ZNF653: variants seen among roughly 807,000 people sequenced by gnomAD.
ZNF653 encodes zinc finger protein 653.
Under a neutral mutation model 59.9 loss-of-function variants are expected in ZNF653, and 37 were observed. The observed-to-expected ratio is 0.62, with a 90% CI of 0.48 to 0.81. The LOEUF is 0.81. ZNF653 is among the 40% of genes least tolerant of loss of function. The pLI, the probability that ZNF653 is intolerant of heterozygous loss-of-function variation, is 0.00. For missense variants in ZNF653, 808 were observed against 881.1 expected, an observed-to-expected ratio of 0.92 and a Z score of 1.05; for synonymous variants, 435 against 371.8, an observed-to-expected ratio of 1.17 and a Z score of -1.96.
intron 3 of ZNF653, among the ~76,000 whole-genome samples, chr19:11,493,367 G>C (rs1971549258): frequency 1.3e-5 from 2 of 152,010 alleles, no homozygotes; most frequent in Non-Finnish European, 2.9e-5. Flanking sequence ...CTTTGTTTTG[G>C]GTCTTTAATG....
intron 2 of ZNF653, among the ~76,000 whole-genome samples, chr19:11,496,526 A>G (rs1971590507): frequency 6.6e-6 from 1 of 151,986 alleles, no homozygotes; most frequent in African/African-American, 2.4e-5. Flanking sequence ...CTACAGCCGC[A>G]AGGGGGCGCC....
At position 11,487,068 on chromosome 19, in the gene ZNF653, G is replaced by C. The variant is rs969117038; in HGVS notation, c.1262C>G (p.Pro421Arg). The C allele has an allele frequency of 1.7e-5, 28 of 1,613,990 alleles. No homozygotes were observed. Among genetic ancestry groups the C allele is most frequent in the Admixed American group, 3.3e-5 (2 of 60,014 alleles). The change falls in exon 5 of 9, where the codon CCT becomes CGT. Residue 421 changes from proline (P) to arginine (R), a missense_variant. Pro to Arg is a moderately radical substitution (Grantham distance 103, BLOSUM62 -2). Transcript: ENST00000293771. The surrounding 1 kb of genome is among the most constrained non-coding windows in gnomAD (Gnocchi z 5.1). ...CTCCTCCCCGTCCGCCTCTGCCTCA[G>C]GCTCTGCGCTCTCAGGCACCGTTGT... is the stretch of plus-strand genomic sequence containing the variant. ...LATTVPESAE[P>R]EAEADGEELD...
chr19:11,505,393 C>G, intron 1 of ZNF653, 95 bp downstream of exon 1: 2 of 1,275,182 alleles, frequency 1.6e-6, no homozygotes, highest in Non-Finnish European at 2.0e-6. Flanking sequence ...CCGCAGGTGC[C>G]GGGGGCTGGC....
intron 1 of ZNF653, among the ~76,000 whole-genome samples, chr19:11,499,293 CCT>C (rs1352076830): frequency 2.6e-5 from 4 of 152,202 alleles, no homozygotes; most frequent in African/African-American, 9.7e-5. Context: ...GGACACATGC[CCT>C]GTGTGATCCT....
At position 11,487,872 on chromosome 19, in the gene ZNF653, G is replaced by A. The variant is rs968411961; in HGVS notation, c.591C>T (p.Asp197=). 6.3e-7 allele frequency: 1 copy of A among 1,599,778 alleles called. No homozygotes were observed. Among genetic ancestry groups the A allele is most frequent in the Non-Finnish European group, 8.5e-7 (1 of 1,171,022 alleles). ...VGNGLVAGSS[D]SSSSGSASDS... ...CAGAGGCAGAGCCAGAGCTGGATGA[G>A]TCAGAGCTGCCAGCCACCAGCCCAT... Residue 197 remains aspartate (D), a synonymous_variant, in exon 4 of 9, where the codon GAC becomes GAT. Transcript: ENST00000293771. The surrounding 1 kb of genome is among the most constrained non-coding windows in gnomAD (Gnocchi z 5.1).
chr19:11,488,454 T>C (rs1971495128), intron 3 of ZNF653, among the ~76,000 whole-genome samples: 1 of 151,244 alleles, frequency 6.6e-6, no homozygotes, highest in South Asian at 2.1e-4. Flanking sequence ...CCCGGCTAAT[T>C]TTTGTATTTT....
chr19:11,495,829 A>C lies in ZNF653; in HGVS notation c.559+121T>G, dbSNP rs1971580834. On this transcript the variant is annotated intron_variant, in intron 3 of 8. Transcript: ENST00000293771. The surrounding 1 kb of genome is among the most constrained non-coding windows in gnomAD (Gnocchi z 4.9). ...GCCCATCGTGTCCCTGCTCTGCCCC[A>C]GTGCCAGAGCCAGAGCCAGAGCCAC... 9.5e-7 allele frequency: 1 copy of C among 1,050,342 alleles called. No individual in the cohort carries two copies. Among genetic ancestry groups the C allele is most frequent in the Non-Finnish European group, 1.4e-6 (1 of 725,078 alleles). 65.1% of individuals were successfully genotyped at this position (1,050,342 alleles called of 1,614,324 possible). A position where few individuals can be genotyped will look rare whatever the true frequency, so the allele number is the denominator to read the frequency against.
At chr19:11,489,034 G>A (rs1971502873) in intron 3 of ZNF653, among the ~76,000 whole-genome samples, 1 of 151,658 alleles carries the variant, frequency 6.6e-6, no homozygotes, top group African/African-American at 2.4e-5. Flanking sequence ...TGAGTAGCTG[G>A]GATTACAGGC....
chr19:11,483,992 G>C (rs772618979), intron 8 of ZNF653, 50 bp downstream of exon 8: 59 of 1,539,894 alleles, frequency 3.8e-5, no homozygotes, highest in Admixed American at 5.9e-5. Flanking sequence ...GACCTGCTGG[G>C]ATCCCCTCCC....
At chr19:11,488,705 C>G (rs1263015452) in intron 3 of ZNF653, among the ~76,000 whole-genome samples, 6 of 151,568 alleles carry the variant, frequency 4.0e-5, no homozygotes, top group Non-Finnish European at 8.8e-5. Flanking sequence ...TCACACCATT[C>G]TCCTGCCTCA....
chr19:11,498,976 C>T (rs766735090), intron 1 of ZNF653, among the ~76,000 whole-genome samples: 1 of 152,194 alleles, frequency 6.6e-6, no homozygotes, highest in Non-Finnish European at 1.5e-5. Flanking sequence ...CCGCCCACCT[C>T]GGCCTCCCAA....
At position 11,505,537 on chromosome 19, in the gene ZNF653, C is replaced by A. The variant is rs1249691573; in HGVS notation, c.250G>T (p.Ala84Ser). 2 of 1,514,190 alleles carry A rather than the reference C, an allele frequency of 1.3e-6. No homozygotes were observed. 93.8% of individuals were successfully genotyped at this position (1,514,190 alleles called of 1,614,324 possible). Residue 84 changes from alanine (A) to serine (S), a missense_variant, in exon 1 of 9, where the codon GCC becomes TCC. Coordinates refer to ENST00000293771, the MANE Select transcript of ZNF653 (RefSeq NM_138783.4). ...RRSGWSDAKL[A>S]AYLISLERGQ... The stretch of plus-strand genomic sequence containing the variant: ...CGCTCCAGAGAGATGAGGTAGGCGG[C>A]GAGCTTGGCGTCGCTCCAGCCGCTG...
rs1440830705 is a variant in ZNF653 at position 11,483,452 on chromosome 19, C to A, written c.*230G>T. ...TCTCCTTTCTCGCTCTTTAATCTCA[C>A]TCTGCTCTCTTGACACAGTTCCAGC... On this transcript the variant is annotated 3_prime_UTR_variant, in exon 9 of 9. Coordinates refer to ENST00000293771, the MANE Select transcript of ZNF653 (RefSeq NM_138783.4). 34 of 1,355,742 alleles carry A rather than the reference C, an allele frequency of 2.5e-5. No homozygotes were observed. Among genetic ancestry groups the A allele is most frequent in the Non-Finnish European group, 3.1e-5 (33 of 1,055,408 alleles). The allele number at this position is 1,355,742 out of a possible 1,614,324, so 84.0% of individuals were successfully genotyped here.
At chr19:11,498,201 G>T in intron 2 of ZNF653, 95 bp downstream of exon 2, 1 of 1,564,906 alleles carries the variant, frequency 6.4e-7, no homozygotes, top group Non-Finnish European at 8.8e-7. Context: ...CAACTGTGCT[G>T]CCTAGGGCAG....
In ZNF653 at chr19:11,483,907, C is replaced by T. The variant is rs776826831; in HGVS notation, c.1671-48G>A. 23 of 363,848 alleles carry T rather than the reference C, an allele frequency of 6.3e-5. 1 individual carries two copies. The highest frequency in any genetic ancestry group is 9.7e-5 in the South Asian group (5 of 51,720). 22.5% of individuals were successfully genotyped at this position (363,848 alleles called of 1,614,324 possible). A position where few individuals can be genotyped will look rare whatever the true frequency, so the allele number is the denominator to read the frequency against. On this transcript the variant is annotated intron_variant, in intron 8 of 8. Transcript: ENST00000293771. The stretch of plus-strand genomic sequence containing the variant: ...CGGGGCGGGGTCAGAGTGGGCGGGG[C>T]GGGGCGGGGCCCTACAAGGCCGAGC...
intron 6 of ZNF653, among the ~76,000 whole-genome samples, chr19:11,486,099 C>T (rs1347834306): frequency 6.6e-5 from 10 of 152,044 alleles, no homozygotes; most frequent in Non-Finnish European, 1.2e-4. Context: ...TACAGGCGCC[C>T]GCCACCACGC....
At chr19:11,484,347 G>A (rs565211137) in intron 7 of ZNF653, among the ~76,000 whole-genome samples, 3 of 152,150 alleles carry the variant, frequency 2.0e-5, no homozygotes, top group East Asian at 3.9e-4. Context: ...GGGTCCCTGA[G>A]AGGCATAGGG....
chr19:11,484,056 G>C lies in ZNF653; in HGVS notation c.1656C>G (p.Gly552=), dbSNP rs781231060. The C allele has an allele frequency of 1.3e-6, 2 of 1,557,074 alleles. No individual in the cohort carries two copies. Among genetic ancestry groups the C allele is most frequent in the South Asian group, 1.2e-5 (1 of 84,620 alleles). Residue 552 remains glycine, a synonymous_variant, in exon 8 of 9, where the codon GGC becomes GGG. Coordinates refer to ENST00000293771, the MANE Select transcript of ZNF653 (RefSeq NM_138783.4). ...HLEVHRRTHT[G]ETPLQCEICG... The stretch of plus-strand genomic sequence containing the variant: ...CTGTCACTCACTGCAGGGGGGTCTC[G>C]CCGGTGTGGGTGCGCCGATGTACCT...
intron 1 of ZNF653, among the ~76,000 whole-genome samples, chr19:11,502,799 C>T (rs1169997515): frequency 6.6e-6 from 1 of 152,026 alleles, no homozygotes; most frequent in African/African-American, 2.4e-5. Context: ...TTTGGGAGGC[C>T]GAGGCAGGCA....
Sources: allele counts gnomAD v4.1 joint callset (sites outside exome capture counted in the v4.1 genomes callset), GRCh38; gene constraint gnomAD v4.1.1; non-coding constraint Gnocchi (gnomAD v3.1); transcripts MANE v1.5; gene names NCBI Gene and HGNC (gene_info 2026-07-23, HGNC 2026-07-21).